The following POM121C variants were observed in gnomAD, a reference collection of about 807,000 sequenced individuals.
POM121C encodes nuclear envelope pore membrane protein POM 121C.
POM121C carries 20 observed loss-of-function variants against 66.4 expected under a neutral mutation model. The ratio of observed to expected loss-of-function variants is 0.30; its 90% CI spans 0.21 to 0.44. The LOEUF (loss-of-function observed/expected upper bound fraction) is 0.44. Ranked by LOEUF, POM121C falls within the 20% of genes least tolerant of loss-of-function variation. The pLI is 1.00. For synonymous variants in POM121C, 286 were observed against 528.0 expected (o/e 0.54, Z 6.28); for missense variants, 580 against 1,225.7 (o/e 0.47, Z 7.87).
At chr7:75,467,531 C>CAAAAAA (rs58341825) in intron 3 of POM121C, among the ~76,000 whole-genome samples, 1 of 65,380 alleles carries the variant, frequency 1.5e-5, no homozygotes, top group Non-Finnish European at 2.7e-5. Flanking sequence ...GATTCTGTCT[C>CAAAAAA]AAAAAAAAAA....
At chr7:75,482,035 T>C (rs1372420740) in intron 1 of POM121C, among the ~76,000 whole-genome samples, 2 of 151,762 alleles carry the variant, frequency 1.3e-5, no homozygotes, top group African/African-American at 4.9e-5. Flanking sequence ...TGAAAAGAAC[T>C]GAACATAAAC....
chr7:75,472,985 G>A (rs1477340696), intron 3 of POM121C, among the ~76,000 whole-genome samples: 2 of 152,214 alleles, frequency 1.3e-5, no homozygotes, highest in Non-Finnish European at 2.9e-5. Context: ...GAACACGAAT[G>A]TCAAAAGAAA....
At position 75,424,196 on chromosome 7, in the gene POM121C, G is replaced by A. The variant is rs1789841046; in HGVS notation, c.901C>T (p.Pro301Ser). Residue 301 changes from proline (P) to serine (S), a missense_variant, in exon 12 of 15, where the codon CCA becomes TCA. By Grantham distance (74) the Pro-to-Ser change is moderately conservative. Transcript: ENST00000615331. ...GTAAATGAAGGCTGAGTGGTAGGTG[G>A]GGTCTCAGTGACAGAGTTCGAGGCA... ...DAASNSVTET[P>S]PTTQPSFTFT... 2 of 1,612,008 alleles carry A rather than the reference G, an allele frequency of 1.2e-6. No homozygotes were observed. Among genetic ancestry groups the A allele is most frequent in the Admixed American group, 1.7e-5 (1 of 60,012 alleles).
chr7:75,438,502 G>A (rs1442679639), intron 6 of POM121C, among the ~76,000 whole-genome samples: 1 of 152,108 alleles, frequency 6.6e-6, no homozygotes, highest in African/African-American at 2.4e-5. Context: ...CTGGGCTGTT[G>A]CAAATCTCCT....
intron 14 of POM121C, 62 bp from the exon 15 acceptor site, chr7:75,418,955 C>A (rs2116313411): frequency 6.6e-7 from 1 of 1,519,774 alleles, no homozygotes; most frequent in East Asian, 2.3e-5. Context: ...GCTCTGGGTG[C>A]CCAAATCTCT....
chr7:75,483,791 C>T (rs1406426247), intron 1 of POM121C, among the ~76,000 whole-genome samples: 1 of 151,864 alleles, frequency 6.6e-6, no homozygotes, highest in African/African-American at 2.4e-5. Flanking sequence ...TGTCTATTTC[C>T]ACATTCCCAT....
At chr7:75,433,304 C>T (rs1461096962) in intron 7 of POM121C, among the ~76,000 whole-genome samples, 1 of 148,016 alleles carries the variant, frequency 6.8e-6, no homozygotes, top group Non-Finnish European at 1.5e-5. Flanking sequence ...TAACAATTAC[C>T]AGTTTCTAAT....
intron 3 of POM121C, among the ~76,000 whole-genome samples, chr7:75,461,470 T>A (rs1584697830): frequency 1.3e-5 from 2 of 152,178 alleles, no homozygotes; most frequent in East Asian, 3.9e-4. Context: ...CAGGCTGGAG[T>A]GCAGAGGTGC....
At chr7:75,444,159 G>A (rs1790757394) in intron 3 of POM121C, among the ~76,000 whole-genome samples, 1 of 133,836 alleles carries the variant, frequency 7.5e-6, no homozygotes, top group African/African-American at 2.6e-5. Flanking sequence ...ATGAGAAGAA[G>A]GTGCAGTTTG....
chr7:75,461,869 A>T (rs1791456864), intron 3 of POM121C, among the ~76,000 whole-genome samples: 1 of 151,774 alleles, frequency 6.6e-6, no homozygotes, highest in East Asian at 1.9e-4. Context: ...TCAAAGAGTG[A>T]GTCGCAAGGG....
At chr7:75,463,916 T>C (rs1273029725) in intron 3 of POM121C, among the ~76,000 whole-genome samples, 1 of 150,876 alleles carries the variant, frequency 6.6e-6, no homozygotes, top group African/African-American at 2.5e-5. Context: ...GGTCCTGAAC[T>C]TCTGACCTCA....
At chr7:75,472,340 C>T (rs587620286) in intron 3 of POM121C, among the ~76,000 whole-genome samples, 2 of 151,878 alleles carry the variant, frequency 1.3e-5, no homozygotes, top group East Asian at 2.0e-4. Flanking sequence ...GACTGAAACC[C>T]CGTCTCTACT....
At chr7:75,457,991 T>G (rs587638635) in intron 3 of POM121C, among the ~76,000 whole-genome samples, 234 of 152,216 alleles carry the variant, frequency 1.5e-3, no homozygotes, top group African/African-American at 4.7e-3. Flanking sequence ...AAACCCAGTT[T>G]TCATATTTTA....
intron 1 of POM121C, among the ~76,000 whole-genome samples, chr7:75,483,357 G>A (rs1448814475): frequency 6.6e-6 from 1 of 152,096 alleles, no homozygotes; most frequent in African/African-American, 2.4e-5. Flanking sequence ...CAATGCAAAC[G>A]ATGTCATGGA....
chr7:75,448,340 G>A (rs61299307), intron 3 of POM121C, among the ~76,000 whole-genome samples: 1 of 150,806 alleles, frequency 6.6e-6, no homozygotes, highest in African/African-American at 2.4e-5. Flanking sequence ...TGGAAATCTG[G>A]ATCTACACAA....
chr7:75,479,240 AT>A (rs1217576422), intron 1 of POM121C, among the ~76,000 whole-genome samples: 1 of 152,232 alleles, frequency 6.6e-6, no homozygotes, highest in Non-Finnish European at 1.5e-5. Flanking sequence ...ATGACAGCAA[AT>A]AAAAATTTAG....
intron 3 of POM121C, among the ~76,000 whole-genome samples, chr7:75,469,838 A>G (rs1341288022): frequency 1.3e-5 from 2 of 152,122 alleles, no homozygotes; most frequent in African/African-American, 4.8e-5. Flanking sequence ...CACCTCCTTC[A>G]GCTCTCTAAG....
intron 3 of POM121C, 124 bp downstream of exon 3, chr7:75,474,580 G>T: frequency 6.4e-6 from 3 of 471,692 alleles, no homozygotes; most frequent in Non-Finnish European, 1.2e-5. Flanking sequence ...TGTGCGGGAA[G>T]GAAAGTGATA....
intron 1 of POM121C, among the ~76,000 whole-genome samples, chr7:75,478,754 A>G (rs1792186596): frequency 1.7e-5 from 2 of 115,532 alleles, no homozygotes; most frequent in African/African-American, 7.1e-5. Context: ...AATAAAGAGC[A>G]ACAGTGTGTT....
Sources: allele counts gnomAD v4.1 joint callset (sites outside exome capture counted in the v4.1 genomes callset), GRCh38; gene constraint gnomAD v4.1.1; transcripts MANE v1.5; gene names NCBI Gene and HGNC (gene_info 2026-07-23, HGNC 2026-07-21).